PSMG2: variants seen among roughly 807,000 people sequenced by gnomAD.
The protein encoded by PSMG2 is proteasome assembly chaperone 2.
PSMG2 carries 21 observed loss-of-function variants against 31.5 expected under a neutral mutation model. The ratio of observed to expected loss-of-function variants is 0.67; its 90% CI spans 0.47 to 0.96. PSMG2 has a LOEUF of 0.96. Among genes scored for constraint, PSMG2 ranks in the 40% least tolerant of loss-of-function variants. The pLI is 0.00. For missense variants in PSMG2, 318 were observed against 321.2 expected, an observed-to-expected ratio of 0.99 and a Z score of 0.08; for synonymous variants, 120 against 110.4, an observed-to-expected ratio of 1.09 and a Z score of -0.54.
At chr18:12,659,072 T>C (rs1281273844) in intron 1 of PSMG2, among the ~76,000 whole-genome samples, 1 of 152,230 alleles carries the variant, frequency 6.6e-6, no homozygotes, top group African/African-American at 2.4e-5. Context: ...CAGATAATTC[T>C]TAATCACCCA....
chr18:12,716,794 A>G (rs2040380804), intron 3 of PSMG2, among the ~76,000 whole-genome samples: 1 of 151,874 alleles, frequency 6.6e-6, no homozygotes, highest in Non-Finnish European at 1.5e-5. Context: ...CTCATGACAA[A>G]CCTATAAGAC....
At chr18:12,659,294 A>G (rs1014052156) in intron 1 of PSMG2, among the ~76,000 whole-genome samples, 1 of 152,352 alleles carries the variant, frequency 6.6e-6, no homozygotes, top group East Asian at 1.9e-4. Flanking sequence ...ACAACAGTCT[A>G]TTAAAATGAG....
intron 1 of PSMG2, chr18:12,680,953 C>G (rs1383671331): frequency 7.4e-6 from 6 of 814,176 alleles, no homozygotes; most frequent in Admixed American, 3.1e-5. Flanking sequence ...AATCCCAACA[C>G]TTTGGGAGGC....
At chr18:12,687,455 T>A (rs892682986) in intron 1 of PSMG2, among the ~76,000 whole-genome samples, 1 of 133,892 alleles carries the variant, frequency 7.5e-6, no homozygotes, top group Admixed American at 7.5e-5. Context: ...AAGGCATCAA[T>A]TTTTTTTTTT....
chr18:12,702,728 C>T (rs1417458882), upstream of PSMG2: 6 of 660,324 alleles, frequency 9.1e-6, no homozygotes, highest in South Asian at 2.0e-5. Context: ...GGAAATGAGG[C>T]CCCGGCGGCG....
intron 4 of PSMG2, among the ~76,000 whole-genome samples, chr18:12,719,057 A>C (rs1394321174): frequency 6.6e-6 from 1 of 152,194 alleles, no homozygotes; most frequent in Non-Finnish European, 1.5e-5. Flanking sequence ...TTATTTCCAT[A>C]TATGCTACCA....
chr18:12,686,314 C>T, intron 1 of PSMG2: 1 of 1,614,124 alleles, frequency 6.2e-7, no homozygotes, highest in Admixed American at 1.7e-5. Context: ...CTGTTTACCT[C>T]CTCCTCCAAT....
At chr18:12,693,106 A>T (rs1017007303) in intron 1 of PSMG2, among the ~76,000 whole-genome samples, 1 of 152,218 alleles carries the variant, frequency 6.6e-6, no homozygotes, top group African/African-American at 2.4e-5. Flanking sequence ...TTACAGATTA[A>T]TTAGCCTGGC....
chr18:12,712,606 G>T (rs1029089152), intron 2 of PSMG2, 96 bp from the exon 3 acceptor site: 1 of 852,740 alleles, frequency 1.2e-6, no homozygotes, highest in Admixed American at 2.3e-5. Context: ...ACATTTAAAT[G>T]CAAAAGGTAT....
At chr18:12,722,928 C>T (rs1292787642) in intron 5 of PSMG2, among the ~76,000 whole-genome samples, 1 of 152,176 alleles carries the variant, frequency 6.6e-6, no homozygotes, top group East Asian at 1.9e-4. Flanking sequence ...TGCCTGAGGC[C>T]ATCACAGCAG....
At chr18:12,695,217 C>A (rs374085780) in intron 1 of PSMG2, 1 of 941,502 alleles carries the variant, frequency 1.1e-6, no homozygotes, top group Non-Finnish European at 1.6e-6. Context: ...ACTATGAAAA[C>A]AAACACACAA....
chr18:12,678,305 T>G (rs764088609), intron 1 of PSMG2: 3 of 1,614,038 alleles, frequency 1.9e-6, no homozygotes, highest in Non-Finnish European at 1.7e-6. Flanking sequence ...TACACAGGTT[T>G]CTACTGCATC....
At chr18:12,695,281 C>G in intron 1 of PSMG2, 1 of 1,554,292 alleles carries the variant, frequency 6.4e-7, no homozygotes, top group African/African-American at 1.4e-5. Context: ...CTTGAGATAA[C>G]GTTTGATTGA....
intron 2 of PSMG2, among the ~76,000 whole-genome samples, chr18:12,707,247 C>T (rs112131076): frequency 0.087 from 13,200 of 152,200 alleles, 827 homozygotes; most frequent in Non-Finnish European, 0.13. Flanking sequence ...TGTGAGCCAC[C>T]GTGCCCAGCC....
chr18:12,690,179 C>T (rs1055764780), intron 1 of PSMG2, among the ~76,000 whole-genome samples: 6 of 152,162 alleles, frequency 3.9e-5, no homozygotes, highest in Admixed American at 3.3e-4. Context: ...ATATAAACAA[C>T]GCTATCAGAA....
At chr18:12,699,087 A>G (rs777865617), upstream of PSMG2, 5 of 1,614,018 alleles carry the variant, frequency 3.1e-6, no homozygotes, top group Non-Finnish European at 4.2e-6. Context: ...TGTAAACATA[A>G]AGTAAACGTT....
chr18:12,683,951 G>A (rs1221094650), intron 1 of PSMG2, among the ~76,000 whole-genome samples: 1 of 150,962 alleles, frequency 6.6e-6, no homozygotes, highest in Admixed American at 6.6e-5. Flanking sequence ...CACCATTACT[G>A]TTGTAATGCT....
In PSMG2 at chr18:12,718,012, C is replaced by CT. The variant is rs71174131; in HGVS notation, c.289-489dup. Among the ~76,000 whole-genome samples the CT allele has an allele frequency of 8.4e-3, 1,142 of 136,400 alleles. 17 individuals are homozygous for CT. Among genetic ancestry groups the CT allele is most frequent in the African/African-American group, 0.013 (485 of 37,366 alleles). The allele number at this position is 136,400 out of a possible 152,430, so 89.5% of individuals were successfully genotyped here. A position where few individuals can be genotyped will look rare whatever the true frequency, so the allele number is the denominator to read the frequency against. ...TTGATTTCTTTTCTTTTTCTTTTTT[C>CT]TTTTTTTTTTTTTTTTGAGAAAGTT... On this transcript the variant is annotated intron_variant, in intron 3 of 6. Coordinates refer to ENST00000317615, the MANE Select transcript of PSMG2 (RefSeq NM_020232.5).
chr18:12,721,142 T>C lies in PSMG2; in HGVS notation c.581+459T>C, dbSNP rs1010365811. ...TTGCAGTGAGCCGAGATCGCGCCAC[T>C]GCACTCCAGCCTGGGAGACAGCAAG... On this transcript the variant is annotated intron_variant, in intron 5 of 6. Transcript: ENST00000317615. Among the ~76,000 whole-genome samples the C allele has an allele frequency of 2.6e-5, 4 of 152,162 alleles. No homozygotes were observed. In the South Asian group the frequency reaches 6.2e-4, roughly 24 times the overall value.
Sources: allele counts gnomAD v4.1 joint callset (sites outside exome capture counted in the v4.1 genomes callset), GRCh38; gene constraint gnomAD v4.1.1; transcripts MANE v1.5; gene names NCBI Gene and HGNC (gene_info 2026-07-23, HGNC 2026-07-21).